PCBP3: variants seen among roughly 807,000 people sequenced by gnomAD.
PCBP3 encodes poly(rC) binding protein 3, also known as poly(rC)-binding protein 3.
In PCBP3, 25 loss-of-function variants were observed where a neutral mutation model predicts 52.7. That is an observed-to-expected ratio of 0.47 (90% CI 0.35 to 0.66). The LOEUF (loss-of-function observed/expected upper bound fraction) is 0.66, where lower values mean the gene tolerates loss of function less well. PCBP3 is among the 30% of genes least tolerant of loss of function. PCBP3 has a pLI of 0.01. For missense variants in PCBP3, 391 were observed against 490.3 expected, an observed-to-expected ratio of 0.80 and a Z score of 1.91; for synonymous variants, 162 against 183.0, an observed-to-expected ratio of 0.89 and a Z score of 0.93.
intron 13 of PCBP3, among the ~76,000 whole-genome samples, chr21:45,923,861 C>T (rs2074875993): frequency 7.8e-6 from 1 of 127,674 alleles, no homozygotes. Context: ...TGGGTAGAAA[C>T]AGCACACGTA....
Position 45,834,960 on chromosome 21 carries a change from C to T in PCBP3, c.-125-15001C>T, listed in dbSNP as rs541515918. 3.3e-5 allele frequency among the ~76,000 whole-genome samples: 5 copies of T among 152,336 alleles called. No homozygotes were observed. In the East Asian group the frequency reaches 9.7e-4, roughly 29 times the overall value. ...AAGCGCTGCTGGAAATGTCACTCTGCGCGGTGTCCACCCGTGCTCGGGGTG... is the reference window on the plus strand; with the variant it reads ...AAGCGCTGCTGGAAATGTCACTCTGTGCGGTGTCCACCCGTGCTCGGGGTG... On this transcript the variant is annotated intron_variant, in intron 4 of 17. Transcript: ENST00000681687.
At chr21:45,663,326 C>T (rs563745655) in intron 1 of PCBP3, among the ~76,000 whole-genome samples, 10 of 152,048 alleles carry the variant, frequency 6.6e-5, no homozygotes, top group African/African-American at 1.9e-4. Flanking sequence ...GCCTGGCATT[C>T]GGGGCCACTA....
chr21:45,770,327 T>A lies in PCBP3; in HGVS notation c.-126+14875T>A, dbSNP rs559979616. ...ATTTTTTATTCATATTTCCTTTTCT[T>A]TTTAGACTATCGTTTTACAATTTTT... On this transcript the variant is annotated intron_variant, in intron 4 of 17. Coordinates refer to ENST00000681687, the MANE Select transcript of PCBP3 (RefSeq NM_001384156.1). Among the ~76,000 whole-genome samples the A allele has an allele frequency of 8.5e-5, 13 of 152,358 alleles. No individual in the cohort carries two copies. In the South Asian group the frequency reaches 2.7e-3, roughly 32 times the overall value.
intron 2 of PCBP3, among the ~76,000 whole-genome samples, chr21:45,718,209 T>C (rs921751015): frequency 1.4e-5 from 2 of 147,854 alleles, no homozygotes; most frequent in African/African-American, 4.9e-5. Flanking sequence ...CTTCTCTCCT[T>C]TTTTTTTTTT....
chr21:45,717,728 G>A (rs2148262204), intron 2 of PCBP3, among the ~76,000 whole-genome samples: 1 of 152,212 alleles, frequency 6.6e-6, no homozygotes, highest in Non-Finnish European at 1.5e-5. Flanking sequence ...TGTTAGATTT[G>A]GTTTGCTAAT....
Position 45,870,078 on chromosome 21 carries a change from G to A in PCBP3, c.10+19983G>A, listed in dbSNP as rs146839122. ...TTTATTTTTTAGTTGTAATGTTATC[G>A]CTTTATCTTAATCTTCATAAATCTA... On this transcript the variant is annotated intron_variant, in intron 5 of 17. Coordinates refer to ENST00000681687, the MANE Select transcript of PCBP3 (RefSeq NM_001384156.1). Among the ~76,000 whole-genome samples the A allele has an allele frequency of 1.6e-3, 243 of 151,910 alleles. 1 individual carries two copies. Among genetic ancestry groups the A allele is most frequent in the Middle Eastern group, 6.8e-3 (2 of 294 alleles).
At chr21:45,910,778 G>T (rs200685262) in intron 10 of PCBP3, 124 bp from the exon 11 acceptor site, 3 of 901,688 alleles carry the variant, frequency 3.3e-6, no homozygotes, top group Non-Finnish European at 3.3e-6. Context: ...GAGGGGGCGC[G>T]TGGGCTGTAT....
At chr21:45,803,480 G>C (rs1003963341) in intron 4 of PCBP3, among the ~76,000 whole-genome samples, 4 of 152,156 alleles carry the variant, frequency 2.6e-5, no homozygotes, top group Admixed American at 1.3e-4. Flanking sequence ...GGAAGTCCAG[G>C]CCTCTCCACC....
At chr21:45,935,874 G>A (rs1355656843) in intron 16 of PCBP3, among the ~76,000 whole-genome samples, 2 of 152,232 alleles carry the variant, frequency 1.3e-5, no homozygotes, top group Non-Finnish European at 2.9e-5. Context: ...CCCAGAGTAA[G>A]CACGGGTCTT....
At chr21:45,766,792 G>A (rs2089372099) in intron 4 of PCBP3, among the ~76,000 whole-genome samples, 1 of 152,164 alleles carries the variant, frequency 6.6e-6, no homozygotes, top group African/African-American at 2.4e-5. Flanking sequence ...TATCCTGAGA[G>A]TCTCCTTTCT....
At chr21:45,759,854 C>T (rs768622427) in intron 4 of PCBP3, 13 of 152,100 alleles carry the variant, frequency 8.5e-5, no homozygotes, top group Non-Finnish European at 1.6e-4. Context: ...CTCTGGAACA[C>T]CAAAGACAAG....
intron 2 of PCBP3, among the ~76,000 whole-genome samples, chr21:45,685,249 G>T (rs372631096): frequency 6.6e-6 from 1 of 152,122 alleles, no homozygotes; most frequent in Non-Finnish European, 1.5e-5. Context: ...GTGGGGAAGG[G>T]AAAAATGGGG....
At chr21:45,858,463 G>C (rs1043439809) in intron 5 of PCBP3, 1 of 152,304 alleles carries the variant, frequency 6.6e-6, no homozygotes, top group Admixed American at 6.5e-5. Context: ...GTCAGGGTGA[G>C]AGTCAGCAGG....
chr21:45,671,371 G>A (rs1025129228), intron 2 of PCBP3, among the ~76,000 whole-genome samples: 6 of 152,234 alleles, frequency 3.9e-5, no homozygotes, highest in African/African-American at 9.6e-5. Context: ...CGCTCTTGTC[G>A]TTTGATGACT....
chr21:45,895,765 C>A (rs905585164), intron 5 of PCBP3, among the ~76,000 whole-genome samples: 5 of 152,368 alleles, frequency 3.3e-5, no homozygotes, highest in African/African-American at 1.2e-4. Flanking sequence ...GGCCGGCTCC[C>A]ACACCCTGGT....
Position 45,902,187 on chromosome 21 carries a change from A to G in PCBP3, c.339+1074A>G, listed in dbSNP as rs369323444. On this transcript the variant is annotated intron_variant, in intron 9 of 17. Coordinates refer to ENST00000681687, the MANE Select transcript of PCBP3 (RefSeq NM_001384156.1). ...TCCTGAGTTGGAACTGGGGATGCACATGAGGGAAGCTGACTGCCCAGAGCC... is the reference window on the plus strand; with the variant it reads ...TCCTGAGTTGGAACTGGGGATGCACGTGAGGGAAGCTGACTGCCCAGAGCC... 2.0e-5 allele frequency among the ~76,000 whole-genome samples: 3 copies of G among 152,334 alleles called. No individual in the cohort carries two copies. The East Asian group carries it at 5.8e-4, about 29-fold the overall frequency.
chr21:45,717,465 G>A (rs982797159), intron 2 of PCBP3, among the ~76,000 whole-genome samples: 6 of 152,080 alleles, frequency 3.9e-5, no homozygotes, highest in African/African-American at 9.7e-5. Context: ...TGTTAGCTGC[G>A]AGTTTTTCAT....
rs558077056 is a variant in PCBP3 at position 45,938,735 on chromosome 21, G to T, written c.910-1295G>T. 2.0e-5 allele frequency among the ~76,000 whole-genome samples: 3 copies of T among 152,320 alleles called. No individual in the cohort carries two copies. The East Asian group carries it at 5.8e-4, about 29-fold the overall frequency. On this transcript the variant is annotated intron_variant, in intron 16 of 17. Transcript: ENST00000681687. ...CAGCCCTGGATTCTCCAGAGTGGGG[G>T]TCTCTGTGGATATCTACAAAGACTG...
At chr21:45,866,320 G>A (rs2094722613) in intron 5 of PCBP3, among the ~76,000 whole-genome samples, 1 of 152,190 alleles carries the variant, frequency 6.6e-6, no homozygotes, top group Non-Finnish European at 1.5e-5. Context: ...CAGACCTGTG[G>A]CCCAGTGACA....
Sources: allele counts gnomAD v4.1 joint callset (sites outside exome capture counted in the v4.1 genomes callset), GRCh38; gene constraint gnomAD v4.1.1; transcripts MANE v1.5; gene names NCBI Gene and HGNC (gene_info 2026-07-23, HGNC 2026-07-21).